ENTREP3: variants seen among roughly 807,000 people sequenced by gnomAD.
ENTREP3 encodes the protein endosomal transmembrane epsin interactor 3.
the ENTREP3 span, chr1:155,251,818 C>T: frequency 1.9e-6 from 3 of 1,578,166 alleles, no homozygotes; most frequent in Admixed American, 5.8e-5. Context: ...TCCTCCAGGT[C>T]CAGCATGGTG....
At chr1:155,255,036 G>GT in the ENTREP3 span, 4 of 625,960 alleles carry the variant, frequency 6.4e-6, no homozygotes, top group Admixed American at 2.9e-5. This position sits in a 1 kb window ranked among gnomAD's most constrained non-coding sequence, Gnocchi z 5.6. Context: ...GACGCCAGCT[G>GT]TGGGGGGGGC....
At chr1:155,252,023 T>C in the ENTREP3 span, 1 of 720,244 alleles carries the variant, frequency 1.4e-6, no homozygotes, top group South Asian at 2.5e-5. Flanking sequence ...TGAGAGAAGC[T>C]CTTGTTCTGG....
At chr1:155,251,020 C>T in the ENTREP3 span, 3 of 1,443,090 alleles carry the variant, frequency 2.1e-6, no homozygotes, top group Non-Finnish European at 2.9e-6. Flanking sequence ...TTGTTTTCCC[C>T]TTCTATTGTC....
the ENTREP3 span, chr1:155,248,591 A>G: frequency 1.3e-6 from 1 of 785,716 alleles, no homozygotes; most frequent in East Asian, 2.6e-5. Flanking sequence ...CTCCATCCCC[A>G]ATCAAAGGGC....
the ENTREP3 span, chr1:155,253,579 CT>C: frequency 1.4e-6 from 2 of 1,391,136 alleles, no homozygotes; most frequent in Admixed American, 1.8e-5. Context: ...ACACACACCC[CT>C]GCCCCCACCA....
chr1:155,251,990 T>G, the ENTREP3 span: 1 of 983,970 alleles, frequency 1.0e-6, no homozygotes, highest in Non-Finnish European at 1.4e-6. Flanking sequence ...CTCATCTACA[T>G]TATTTTTTCT....
At chr1:155,252,723 T>TATATATATATATATA in the ENTREP3 span, 5 of 27,648 alleles carry the variant, frequency 1.8e-4, no homozygotes, top group East Asian at 1.4e-3. Context: ...TATATATATA[T>TATATATATATATATA]TTTTTTTTTT....
chr1:155,251,699 T>G, the ENTREP3 span: 1 of 1,611,836 alleles, frequency 6.2e-7, no homozygotes, highest in Non-Finnish European at 8.5e-7. Context: ...GTCCCCTTCC[T>G]TAGCTCCCCC....
At chr1:155,248,182 C>T in the ENTREP3 span, 28 of 1,611,620 alleles carry the variant, frequency 1.7e-5, no homozygotes, top group Admixed American at 2.7e-4. Flanking sequence ...GTGCAGGGCC[C>T]GAGGGCAGGG....
At chr1:155,251,264 C>T in the ENTREP3 span, 1 of 1,005,644 alleles carries the variant, frequency 9.9e-7, no homozygotes, top group Non-Finnish European at 1.5e-6. Context: ...AGCCTTGTCC[C>T]TTTGTACAAG....
At chr1:155,251,838 G>A in the ENTREP3 span, 1 of 1,544,322 alleles carries the variant, frequency 6.5e-7, no homozygotes. Context: ...GTGTAGGAGA[G>A]GGGCTGGGGG....
the ENTREP3 span, chr1:155,252,685 T>TGG: frequency 1.2e-5 from 1 of 80,666 alleles, no homozygotes; most frequent in African/African-American, 8.5e-5. Flanking sequence ...TTTGTAATTT[T>TGG]GTGTGTATAT....
At chr1:155,248,545 GAA>G in the ENTREP3 span, 1 of 1,381,888 alleles carries the variant, frequency 7.2e-7, no homozygotes, top group South Asian at 1.2e-5. Context: ...CCTCCTGTGG[GAA>G]CTCAAGCCCA....
chr1:155,254,250 C>T, the ENTREP3 span: 1 of 1,510,846 alleles, frequency 6.6e-7, no homozygotes, highest in Admixed American at 1.7e-5. This position sits in a 1 kb window ranked among gnomAD's most constrained non-coding sequence, Gnocchi z 4.4. Context: ...ACTCCTCTGC[C>T]ACGGACAGAG....
the ENTREP3 span, chr1:155,247,912 T>G: frequency 6.3e-7 from 1 of 1,592,406 alleles, no homozygotes; most frequent in Non-Finnish European, 8.6e-7. Context: ...GCTGCGAAGG[T>G]GGAGGCTCTC....
chr1:155,248,737 T>G, the ENTREP3 span, among the ~76,000 whole-genome samples: 1 of 151,682 alleles, frequency 6.6e-6, no homozygotes, highest in Non-Finnish European at 1.5e-5. Context: ...TTTTTTGAGA[T>G]GGAGTCTCAC....
chr1:155,250,982 C>T, the ENTREP3 span: 1 of 1,264,828 alleles, frequency 7.9e-7, no homozygotes, highest in Non-Finnish European at 1.1e-6. The surrounding 1 kb of genome is among the most constrained non-coding windows in gnomAD (Gnocchi z 5.4). Context: ...CCACAGCCCT[C>T]CTATGTCCCC....
At chr1:155,255,045 G>A in the ENTREP3 span, 25 of 613,900 alleles carry the variant, frequency 4.1e-5, no homozygotes, top group Non-Finnish European at 6.3e-5. This position sits in a 1 kb window ranked among gnomAD's most constrained non-coding sequence, Gnocchi z 5.6. Context: ...TGTGGGGGGG[G>A]CCAAGCGAGG....
chr1:155,254,099 G>C, the ENTREP3 span: 2 of 1,614,108 alleles, frequency 1.2e-6, no homozygotes, highest in South Asian at 2.2e-5. This position sits in a 1 kb window ranked among gnomAD's most constrained non-coding sequence, Gnocchi z 4.4. Flanking sequence ...AGCACTGTTG[G>C]AAGTCTCGGG....
Sources: allele counts gnomAD v4.1 joint callset (sites outside exome capture counted in the v4.1 genomes callset), GRCh38; gene constraint gnomAD v4.1.1; non-coding constraint Gnocchi (gnomAD v3.1); transcripts MANE v1.5; gene names NCBI Gene and HGNC (gene_info 2026-07-23, HGNC 2026-07-21).